Variants in RBFOX1 observed in about 807,000 individuals in gnomAD.
RBFOX1 encodes the protein RNA binding fox-1 homolog 1.
RBFOX1 carries 8 observed loss-of-function variants against 57.7 expected under a neutral mutation model. That is an observed-to-expected ratio of 0.14 (90% CI 0.08 to 0.25). The LOEUF (loss-of-function observed/expected upper bound fraction) is 0.25, where lower values mean the gene tolerates loss of function less well. Among genes scored for constraint, RBFOX1 ranks in the 10% least tolerant of loss-of-function variants. The probability of loss-of-function intolerance (pLI) is 1.00; values close to 1 mark genes in which losing one functional copy is unlikely to be tolerated. For synonymous variants in RBFOX1, 326 were observed against 222.4 expected, an observed-to-expected ratio of 1.47 and a Z score of -4.15; for missense variants, 611 against 548.5, an observed-to-expected ratio of 1.11 and a Z score of -1.14.
rs1394280960 is a variant in RBFOX1, at chr16:6,727,197, C to A, written c.-16+72547C>A. On this transcript the variant is annotated intron_variant, in intron 3 of 15. Coordinates refer to ENST00000550418, the MANE Select transcript of RBFOX1 (RefSeq NM_018723.4). Reference sequence around the variant, plus strand: ...AGAAAGAAGAGGTGAGACTCACTATCCTGCAATTCTGACAATCCCTCAACC... The same window carrying A: ...AGAAAGAAGAGGTGAGACTCACTATACTGCAATTCTGACAATCCCTCAACC... Among the ~76,000 whole-genome samples the A allele has an allele frequency of 3.3e-5, 5 of 152,170 alleles. No homozygotes were observed. In the East Asian group the frequency reaches 9.7e-4, roughly 29 times the overall value.
chr16:7,320,690 C>T (rs982515786), intron 4 of RBFOX1, among the ~76,000 whole-genome samples: 5 of 152,200 alleles, frequency 3.3e-5, no homozygotes, highest in East Asian at 1.9e-4. Context: ...ATCATTTAAA[C>T]GCTCAGCACT....
intron 14 of RBFOX1, among the ~76,000 whole-genome samples, chr16:7,685,397 A>T (rs957579705): frequency 2.0e-5 from 3 of 152,110 alleles, no homozygotes; most frequent in Non-Finnish European, 4.4e-5. Flanking sequence ...ACCCCAAAAG[A>T]TCCGTGGACG....
intron 1 of RBFOX1, among the ~76,000 whole-genome samples, chr16:6,213,456 C>T: frequency 6.6e-6 from 1 of 152,174 alleles, no homozygotes; most frequent in African/African-American, 2.4e-5. Flanking sequence ...TAGACAGCTG[C>T]CTCAGCTGCA....
At chr16:5,640,341 C>T (rs1295563212) in intron 3 of RBFOX1, among the ~76,000 whole-genome samples, 1 of 152,072 alleles carries the variant, frequency 6.6e-6, no homozygotes, top group Non-Finnish European at 1.5e-5. Context: ...ACACATGCAC[C>T]TGCACATTGG....
chr16:6,724,101 C>G (rs1477124770), intron 3 of RBFOX1, among the ~76,000 whole-genome samples: 1 of 152,038 alleles, frequency 6.6e-6, no homozygotes, highest in East Asian at 1.9e-4. Context: ...GTGATGAGGC[C>G]ATGGTGGCAG....
chr16:6,527,749 T>C (rs1002187206), intron 2 of RBFOX1, among the ~76,000 whole-genome samples: 4 of 152,122 alleles, frequency 2.6e-5, no homozygotes, highest in Admixed American at 2.0e-4. Context: ...CAGAGTGTTT[T>C]GTCTCTCACC....
chr16:7,132,146 A>G (rs1045216820), intron 4 of RBFOX1, among the ~76,000 whole-genome samples: 5 of 151,684 alleles, frequency 3.3e-5, no homozygotes, highest in Non-Finnish European at 5.9e-5. Flanking sequence ...ATGCCCAGCT[A>G]ATTTTTGTAT....
chr16:7,193,787 C>A (rs1427538460), intron 4 of RBFOX1, among the ~76,000 whole-genome samples: 32 of 152,178 alleles, frequency 2.1e-4, no homozygotes, highest in Admixed American at 2.1e-3. Flanking sequence ...GACTCTAGCA[C>A]AACAGGTCCT....
At chr16:6,565,565 C>G (rs143972960) in intron 2 of RBFOX1, among the ~76,000 whole-genome samples, 81 of 151,748 alleles carry the variant, frequency 5.3e-4, no homozygotes, top group African/African-American at 1.6e-3. Context: ...CTCCCAGATT[C>G]AAGCCGATTC....
chr16:6,697,865 G>T lies in RBFOX1; in HGVS notation c.-16+43215G>T, dbSNP rs113787939. On this transcript the variant is annotated intron_variant, in intron 3 of 15. Transcript: ENST00000550418. ...CAGGGACACCAGATCTGCCCAGACA[G>T]TAGAAGAACAATTGTAATCAAGGGT... Among the ~76,000 whole-genome samples, 237 of 152,274 alleles carry T rather than the reference G, an allele frequency of 1.6e-3. 2 individuals are homozygous for T. Among genetic ancestry groups the T allele is most frequent in the African/African-American group, 5.5e-3 (230 of 41,566 alleles).
At chr16:6,837,917 C>T (rs541105038) in intron 3 of RBFOX1, among the ~76,000 whole-genome samples, 1 of 151,974 alleles carries the variant, frequency 6.6e-6, no homozygotes, top group African/African-American at 2.4e-5. Flanking sequence ...TTACTGTCAC[C>T]ATGGCAACAG....
At chr16:6,269,335 G>A (rs1045964003) in intron 1 of RBFOX1, among the ~76,000 whole-genome samples, 17 of 152,054 alleles carry the variant, frequency 1.1e-4, no homozygotes, top group East Asian at 5.8e-4. Flanking sequence ...TAGCATCTGT[G>A]GATATAGAAC....
Position 6,528,929 on chromosome 16 carries a change from G to T in RBFOX1, c.-63-125674G>T, listed in dbSNP as rs144057124. On this transcript the variant is annotated intron_variant, in intron 2 of 15. Coordinates refer to ENST00000550418, the MANE Select transcript of RBFOX1 (RefSeq NM_018723.4). ...GGGGCCAGAGGAATATTTATTAAAT[G>T]AACAGGTAAAATTATCCATGTTTGA... Among the ~76,000 whole-genome samples, 122 of 152,276 alleles carry T rather than the reference G, an allele frequency of 8.0e-4. 1 individual carries two copies. Among genetic ancestry groups the T allele is most frequent in the African/African-American group, 2.7e-3 (111 of 41,550 alleles).
At chr16:6,109,392 T>C (rs1240665914) in intron 1 of RBFOX1, among the ~76,000 whole-genome samples, 3 of 152,232 alleles carry the variant, frequency 2.0e-5, no homozygotes. Context: ...GACATGGGTC[T>C]CCTCTACTGA....
At chr16:6,970,670 A>G (rs553262969) in intron 3 of RBFOX1, among the ~76,000 whole-genome samples, 2 of 152,296 alleles carry the variant, frequency 1.3e-5, no homozygotes, top group South Asian at 4.1e-4. Context: ...CTCATGACGT[A>G]ATCACCTTCT....
At chr16:7,372,001 T>G (rs1433204338) in intron 4 of RBFOX1, among the ~76,000 whole-genome samples, 1 of 152,072 alleles carries the variant, frequency 6.6e-6, no homozygotes, top group Non-Finnish European at 1.5e-5. Context: ...CTGCTACACA[T>G]GCATACACTG....
chr16:7,612,246 G>A (rs901253864), intron 10 of RBFOX1, among the ~76,000 whole-genome samples: 8 of 149,390 alleles, frequency 5.4e-5, no homozygotes, highest in South Asian at 2.1e-4. Context: ...GCATGAACCC[G>A]GGAGGCGGAG....
At chr16:6,275,620 T>G (rs1176120074) in intron 1 of RBFOX1, among the ~76,000 whole-genome samples, 1 of 152,210 alleles carries the variant, frequency 6.6e-6, no homozygotes, top group Non-Finnish European at 1.5e-5. Flanking sequence ...AAAGTCTATA[T>G]TTATTTCCAT....
intron 3 of RBFOX1, among the ~76,000 whole-genome samples, chr16:5,862,617 G>A (rs935018337): frequency 2.0e-5 from 3 of 152,142 alleles, no homozygotes; most frequent in African/African-American, 7.2e-5. Flanking sequence ...GATAGAGACC[G>A]GGTTCAGTTT....
Sources: gnomAD v4.1 joint callset for allele counts (sites outside exome capture counted in the v4.1 genomes callset) on GRCh38, gnomAD v4.1.1 for gene constraint, MANE v1.5 for transcripts, NCBI Gene and HGNC (gene_info 2026-07-23, HGNC 2026-07-21) for gene names.